The following NOS2 variants were observed in gnomAD, a reference collection of about 807,000 sequenced individuals.
NOS2 encodes the protein nitric oxide synthase 2, also known as nitric oxide synthase, inducible.
In NOS2, 96 loss-of-function variants were observed where a neutral mutation model predicts 136.0. The observed-to-expected ratio is 0.71, with a 90% CI of 0.60 to 0.84. The LOEUF (loss-of-function observed/expected upper bound fraction) is 0.84. NOS2 is among the 40% of genes least tolerant of loss of function. The pLI, the probability that NOS2 is intolerant of heterozygous loss-of-function variation, is 0.00. For missense variants in NOS2, 1,237 were observed against 1,496.9 expected, an observed-to-expected ratio of 0.83 and a Z score of 2.87; for synonymous variants, 539 against 587.5, an observed-to-expected ratio of 0.92 and a Z score of 1.20.
chr17:27,757,786 C>G (rs1907975337), intron 26 of NOS2, among the ~76,000 whole-genome samples: 1 of 152,218 alleles, frequency 6.6e-6, no homozygotes, highest in African/African-American at 2.4e-5. Context: ...ACCTTGGAAT[C>G]TTTTTGATGC....
chr17:27,759,000 G>A lies in NOS2; in HGVS notation c.3235C>T (p.Leu1079Phe), dbSNP rs202086662. ...ATGCGCACATCCCCGCAAACATAGAGGTGGCCTGGCTCCTTGTGGAGCACA... is the reference window on the plus strand; with the variant it reads ...ATGCGCACATCCCCGCAAACATAGAAGTGGCCTGGCTCCTTGTGGAGCACA... ...LRVLHKEPGH[L>F]YVCGDVRMAR... Residue 1079 changes from leucine (L) to phenylalanine (F), a missense_variant, in exon 26 of 27, where the codon CTC (leucine) becomes TTC (phenylalanine). Coordinates refer to ENST00000313735, the MANE Select transcript of NOS2 (RefSeq NM_000625.4). 24 of 1,612,844 alleles carry A rather than the reference G, an allele frequency of 1.5e-5. No homozygotes were observed. Among genetic ancestry groups the A allele is most frequent in the Non-Finnish European group, 1.9e-5 (23 of 1,179,654 alleles).
chr17:27,776,071 C>T (rs1908648766), intron 11 of NOS2, among the ~76,000 whole-genome samples: 1 of 152,146 alleles, frequency 6.6e-6, no homozygotes, highest in African/African-American at 2.4e-5. Flanking sequence ...AGAGAGGATA[C>T]AACGCCAGAC....
intron 2 of NOS2, chr17:27,793,812 G>A (rs1051667903): frequency 5.4e-6 from 2 of 373,206 alleles, no homozygotes. Flanking sequence ...AGCGGCGGGG[G>A]CTCTTCACCC....
chr17:27,780,850 CA>C lies in NOS2; in HGVS notation c.920del (p.Leu307ArgfsTer38). 1 of 1,614,166 alleles carries C rather than the reference CA, an allele frequency of 6.2e-7. No individual in the cohort carries two copies. Among genetic ancestry groups the C allele is most frequent in the Non-Finnish European group, 8.5e-7 (1 of 1,180,010 alleles). Reference protein sequence around the residue: ...PKYGRFDVVPLVLQANGRDPE... With the variant: ...PKYGRFDVVPXVLQANGRDPE... Reference sequence around the variant, plus strand: ...GGTCACGGCCATTGGCCTGCAGGACCAGGGGGACCACATCGAAGCGGCCGTA... The same window carrying C: ...GGTCACGGCCATTGGCCTGCAGGACCGGGGGACCACATCGAAGCGGCCGTA... On this transcript the variant is annotated frameshift_variant, in exon 9 of 27. Transcript: ENST00000313735. LOFTEE classifies it high-confidence loss of function.
At chr17:27,793,597 C>T (rs1909260364) in intron 2 of NOS2, 1 of 397,528 alleles carries the variant, frequency 2.5e-6, no homozygotes, top group Non-Finnish European at 4.4e-6. Flanking sequence ...CCTGGCTCTG[C>T]GCGGGCAGCA....
chr17:27,782,100 C>CCGCAACT lies in NOS2; in HGVS notation c.636_637insAGTTGCG (p.Asp213SerfsTer15), dbSNP rs1277875211. ...CGGGCAGTGGAACAGCTGCGGGCATCGAAGACCTGCAACAGCCCATCCAGA... is the reference window on the plus strand; with the variant it reads ...CGGGCAGTGGAACAGCTGCGGGCATCCGCAACTGAAGACCTGCAACAGCCCATCCAGA... On this transcript the variant is annotated frameshift_variant, in exon 7 of 27. Coordinates refer to ENST00000313735, the MANE Select transcript of NOS2 (RefSeq NM_000625.4). LOFTEE classifies it high-confidence loss of function. 2 of 1,613,820 alleles carry CCGCAACT rather than the reference C, an allele frequency of 1.2e-6. No individual in the cohort carries two copies. Among genetic ancestry groups the CCGCAACT allele is most frequent in the Non-Finnish European group, 1.7e-6 (2 of 1,179,972 alleles).
Position 27,772,348 on chromosome 17 carries a change from C to T in NOS2, c.1664G>A (p.Trp555Ter). Reference protein sequence around the residue: ...TETGKSEALAWDLGALFSCAF... With the variant: ...TETGKSEALA The stretch of plus-strand genomic sequence containing the variant: ...ACAGCTGAATAAGGCCCCCAGGTCC[C>T]AGGCCAGCGCCTCTGATTTTCCTGT... The change falls in exon 14 of 27, where the codon TGG (tryptophan) becomes TAG (stop). Residue 555 changes from tryptophan to a stop codon, truncating the protein, a stop_gained. Transcript: ENST00000313735. LOFTEE classifies it high-confidence loss of function. The T allele has an allele frequency of 3.1e-6, 5 of 1,614,146 alleles. No individual in the cohort carries two copies. The highest frequency in any genetic ancestry group is 4.2e-6 in the Non-Finnish European group (5 of 1,180,036).
At chr17:27,759,177 G>A in intron 25 of NOS2, 102 bp from the exon 26 acceptor site, 9 of 768,762 alleles carry the variant, frequency 1.2e-5, no homozygotes, top group Middle Eastern at 3.8e-4. Flanking sequence ...GGCACTAAGG[G>A]GTGAGGAGTG....
At chr17:27,795,814 C>T (rs1301375165) in intron 2 of NOS2, among the ~76,000 whole-genome samples, 1 of 152,146 alleles carries the variant, frequency 6.6e-6, no homozygotes, top group African/African-American at 2.4e-5. Flanking sequence ...TTTCCGCCAG[C>T]CCACCCCAGC....
Position 27,765,536 on chromosome 17 carries a change from A to G in NOS2, c.2427T>C (p.Ser809=). The G allele has an allele frequency of 1.9e-6, 3 of 1,594,764 alleles. No homozygotes were observed. Among genetic ancestry groups the G allele is most frequent in the Non-Finnish European group, 2.6e-6 (3 of 1,171,952 alleles). The change falls in exon 20 of 27, where the codon AGT becomes AGC. Residue 809 remains serine (S), a splice_region_variant and synonymous_variant. Transcript: ENST00000313735. ...CTGGCTTTCTAGCCCGGGGCTCACC[A>G]CTCTCATCCAGGGCCTCCAGGCGCA... ...QTVRLEALDE[S]GSYWVSDKRL...
At chr17:27,799,861 A>G (rs1909478581) in intron 1 of NOS2, among the ~76,000 whole-genome samples, 1 of 152,048 alleles carries the variant, frequency 6.6e-6, no homozygotes, top group African/African-American at 2.4e-5. Context: ...AAAGGAAGGA[A>G]AGAGGGAAAG....
chr17:27,760,191 C>T lies in NOS2; in HGVS notation c.3011-13G>A. On this transcript the variant is annotated splice_polypyrimidine_tract_variant and intron_variant, in intron 24 of 26. Coordinates refer to ENST00000313735, the MANE Select transcript of NOS2 (RefSeq NM_000625.4). ...CCTCCCCGCACTCCTGCAGGAGTCC[C>T]GGGCTGTTGTTACCATGTTGGCCAC... is the stretch of plus-strand genomic sequence containing the variant. 3 of 1,538,490 alleles carry T rather than the reference C, an allele frequency of 1.9e-6. No individual in the cohort carries two copies. The highest frequency in any genetic ancestry group is 1.7e-6 in the Non-Finnish European group (2 of 1,145,704).
chr17:27,796,201 G>A (rs1349878827), intron 2 of NOS2, among the ~76,000 whole-genome samples: 1 of 152,188 alleles, frequency 6.6e-6, no homozygotes, highest in Non-Finnish European at 1.5e-5. Flanking sequence ...ACCTGTAATA[G>A]CACTTTGGGA....
At chr17:27,765,798 A>T in intron 19 of NOS2, 82 bp from the exon 20 acceptor site, 1 of 1,380,700 alleles carries the variant, frequency 7.2e-7, no homozygotes, top group Non-Finnish European at 9.8e-7. Context: ...ATTCCCCAGG[A>T]AATGTGCCCT....
intron 15 of NOS2, among the ~76,000 whole-genome samples, chr17:27,770,408 C>T (rs1908452833): frequency 6.6e-6 from 1 of 152,180 alleles, no homozygotes; most frequent in Admixed American, 6.5e-5. Context: ...ATCACTTGAA[C>T]CAGGGAGGCA....
chr17:27,795,582 G>A (rs1422773866), intron 2 of NOS2, among the ~76,000 whole-genome samples: 1 of 152,192 alleles, frequency 6.6e-6, no homozygotes, highest in Non-Finnish European at 1.5e-5. Context: ...CACAAAGGTG[G>A]CAGCCCCATG....
chr17:27,760,674 C>T lies in NOS2; in HGVS notation c.2959G>A (p.Ala987Thr). 6.4e-7 allele frequency: 1 copy of T among 1,552,458 alleles called. No individual in the cohort carries two copies. The highest frequency in any genetic ancestry group is 8.7e-7 in the Non-Finnish European group (1 of 1,147,656). Reference protein sequence around the residue: ...CILIGPGTGIAPFRSFWQQRL... With the variant: ...CILIGPGTGITPFRSFWQQRL... ...TGCTGCCAGAAACTGCGGAAGGGCG[C>T]GATGCCTGTGCCAGGCCCGATGAGG... The change falls in exon 24 of 27, where the codon GCG (alanine) becomes ACG (threonine). Residue 987 changes from alanine to threonine, a missense_variant. By Grantham distance (58) the Ala-to-Thr change is moderately conservative (BLOSUM62 0). Coordinates refer to ENST00000313735, the MANE Select transcript of NOS2 (RefSeq NM_000625.4).
Position 27,765,622 on chromosome 17 carries a change from G to A in NOS2, c.2341C>T (p.Pro781Ser), listed in dbSNP as rs1484446218. 6.2e-7 allele frequency: 1 copy of A among 1,613,022 alleles called. No individual in the cohort carries two copies. Among genetic ancestry groups the A allele is most frequent in the African/African-American group, 1.3e-5 (1 of 74,936 alleles). The change falls in exon 20 of 27, where the codon CCG (proline) becomes TCG (serine). Residue 781 changes from proline to serine, a missense_variant. Pro to Ser is a moderately conservative substitution (Grantham distance 74, BLOSUM62 -1). Transcript: ENST00000313735. ...EHLGVCPGNQ[P>S]ALVQGILERV... ...TCCAGGATACCTTGGACCAGGGCCG[G>A]CTGGTTGCCTGGGCAAACCCCAAGG...
rs767343486 is a variant in NOS2 at position 27,769,059 on chromosome 17, G to C, written c.1952C>G (p.Ser651Cys). Residue 651 changes from serine (S) to cysteine (C), a missense_variant, in exon 17 of 27, where the codon TCT (serine) becomes TGT (cysteine). Physicochemically the swap from Ser to Cys is moderately radical, Grantham distance 112. Coordinates refer to ENST00000313735, the MANE Select transcript of NOS2 (RefSeq NM_000625.4). ...IDQKLSHLGA[S>C]QLTPMGEGDE... ...CCCTTCTCCCATCGGGGTGAGCTGA[G>C]AGGCCCCCAGGTGGGACAGCTTCTG... 24 of 1,612,676 alleles carry C rather than the reference G, an allele frequency of 1.5e-5. No individual in the cohort carries two copies. The South Asian group carries it at 1.7e-4, about 11-fold the overall frequency.
Sources: allele counts gnomAD v4.1 joint callset (sites outside exome capture counted in the v4.1 genomes callset), GRCh38; gene constraint gnomAD v4.1.1; transcripts MANE v1.5; gene names NCBI Gene and HGNC (gene_info 2026-07-23, HGNC 2026-07-21).